The following RABGAP1L variants were observed in gnomAD, a reference collection of about 807,000 sequenced individuals.
RABGAP1L encodes the protein rab GTPase-activating protein 1-like.
Under a neutral mutation model 137.7 loss-of-function variants are expected in RABGAP1L, and 63 were observed. The observed-to-expected ratio is 0.46, with a 90% CI of 0.37 to 0.56. The LOEUF is 0.56. Ranked by LOEUF, RABGAP1L falls within the 20% of genes least tolerant of loss-of-function variation. RABGAP1L has a pLI of 0.00. For missense variants in RABGAP1L, 1,095 were observed against 1,244.0 expected, an observed-to-expected ratio of 0.88 and a Z score of 1.80; for synonymous variants, 431 against 433.7, an observed-to-expected ratio of 0.99 and a Z score of 0.08.
chr1:174,296,124 G>A (rs1677108494), intron 10 of RABGAP1L, among the ~76,000 whole-genome samples: 1 of 152,268 alleles, frequency 6.6e-6, no homozygotes, highest in Non-Finnish European at 1.5e-5. Flanking sequence ...GGCAAGAGAG[G>A]AAATAGTTTC....
chr1:174,613,256 G>C (rs1014327495), intron 13 of RABGAP1L, among the ~76,000 whole-genome samples: 4 of 151,956 alleles, frequency 2.6e-5, no homozygotes, highest in Non-Finnish European at 5.9e-5. Flanking sequence ...GGTATGTTGT[G>C]TCTTTGTTCT....
intron 1 of RABGAP1L, among the ~76,000 whole-genome samples, chr1:174,213,360 G>A (rs1251821149): frequency 6.6e-6 from 1 of 152,188 alleles, no homozygotes; most frequent in East Asian, 1.9e-4. Flanking sequence ...GGGAGGTGGA[G>A]GTTGCAGTGA....
At chr1:174,176,864 G>GAGTCAGA (rs1212919047) in intron 1 of RABGAP1L, among the ~76,000 whole-genome samples, 4 of 151,384 alleles carry the variant, frequency 2.6e-5, no homozygotes, top group African/African-American at 9.7e-5. Context: ...CAGATCATTT[G>GAGTCAGA]AGTCAGAAGT....
chr1:174,561,993 A>G (rs967162158), intron 13 of RABGAP1L, among the ~76,000 whole-genome samples: 3 of 152,228 alleles, frequency 2.0e-5, no homozygotes, highest in Non-Finnish European at 4.4e-5. Flanking sequence ...ACAAAAGCCA[A>G]AATTGACACA....
At chr1:174,189,693 A>C (rs61828571) in intron 1 of RABGAP1L, among the ~76,000 whole-genome samples, 1 of 152,142 alleles carries the variant, frequency 6.6e-6, no homozygotes, top group Non-Finnish European at 1.5e-5. Context: ...AAGGGGCTGG[A>C]TGCAGTAGCT....
intron 18 of RABGAP1L, among the ~76,000 whole-genome samples, chr1:174,773,380 A>G (rs1049706731): frequency 2.6e-5 from 4 of 152,162 alleles, no homozygotes; most frequent in African/African-American, 9.7e-5. Flanking sequence ...TAAACAAATA[A>G]ATAAATAAAA....
intron 11 of RABGAP1L, among the ~76,000 whole-genome samples, chr1:174,305,839 A>T (rs1352728135): frequency 6.6e-6 from 1 of 151,976 alleles, no homozygotes; most frequent in Admixed American, 6.6e-5. Flanking sequence ...ATATGTATAC[A>T]TGTGCCATGT....
chr1:174,707,544 A>G (rs1680148153), intron 17 of RABGAP1L, among the ~76,000 whole-genome samples: 5 of 152,216 alleles, frequency 3.3e-5, no homozygotes, highest in Admixed American at 3.3e-4. Flanking sequence ...AGCCTTGTTC[A>G]AGTTACTTGA....
intron 14 of RABGAP1L, among the ~76,000 whole-genome samples, chr1:174,649,216 G>T (rs1010144693): frequency 1.3e-5 from 2 of 152,042 alleles, no homozygotes; most frequent in African/African-American, 4.8e-5. Context: ...GGTTAATATT[G>T]TTACGTGTGA....
intron 1 of RABGAP1L, among the ~76,000 whole-genome samples, chr1:174,165,227 C>A (rs1664806423): frequency 6.6e-6 from 1 of 152,224 alleles, no homozygotes; most frequent in Non-Finnish European, 1.5e-5. Context: ...CGGCTCACTG[C>A]AACCTCTGCC....
intron 15 of RABGAP1L, among the ~76,000 whole-genome samples, chr1:174,698,947 G>A (rs185759773): frequency 3.9e-4 from 59 of 151,926 alleles, no homozygotes; most frequent in South Asian, 6.3e-4. Flanking sequence ...ATGATAGGGA[G>A]GAGCGAGACT....
intron 19 of RABGAP1L, among the ~76,000 whole-genome samples, chr1:174,911,971 T>TG (rs1486148588): frequency 6.6e-6 from 1 of 152,250 alleles, no homozygotes; most frequent in East Asian, 1.9e-4. Flanking sequence ...TCACATCTAT[T>TG]GCCCTGTTAA....
intron 13 of RABGAP1L, among the ~76,000 whole-genome samples, chr1:174,449,703 G>A (rs1655215272): frequency 6.6e-6 from 1 of 152,164 alleles, no homozygotes; most frequent in African/African-American, 2.4e-5. Context: ...TAATCCATAA[G>A]TGATCTCTTC....
At chr1:174,928,440 G>A (rs1663188077) in intron 19 of RABGAP1L, among the ~76,000 whole-genome samples, 1 of 151,690 alleles carries the variant, frequency 6.6e-6, no homozygotes, top group African/African-American at 2.4e-5. Flanking sequence ...CTAACACAGT[G>A]AAGGTATTCA....
chr1:174,434,151 A>ACACACACACACACACACACACACACC (rs1361968902), intron 13 of RABGAP1L, among the ~76,000 whole-genome samples: 67 of 147,606 alleles, frequency 4.5e-4, no homozygotes, highest in Admixed American at 6.7e-4. Context: ...ACACACACAC[A>ACACACACACACACACACACACACACC]CCCTGCCTGG....
chr1:174,862,813 T>G (rs1558161748), intron 19 of RABGAP1L, among the ~76,000 whole-genome samples: 1 of 152,164 alleles, frequency 6.6e-6, no homozygotes. Context: ...TTTAAATTTA[T>G]ATATTTGTGT....
intron 13 of RABGAP1L, among the ~76,000 whole-genome samples, chr1:174,559,172 A>G (rs1667058481): frequency 6.6e-6 from 1 of 152,234 alleles, no homozygotes; most frequent in South Asian, 2.1e-4. Flanking sequence ...CTCTGAAAGT[A>G]TCATTTTACT....
At chr1:174,478,753 A>G (rs1256990781) in intron 13 of RABGAP1L, among the ~76,000 whole-genome samples, 1 of 152,198 alleles carries the variant, frequency 6.6e-6, no homozygotes, top group African/African-American at 2.4e-5. Flanking sequence ...AGACCAATAC[A>G]ACTTACAAAC....
intron 10 of RABGAP1L, among the ~76,000 whole-genome samples, chr1:174,304,446 T>G (rs901699904): frequency 6.6e-6 from 1 of 151,878 alleles, no homozygotes; most frequent in Non-Finnish European, 1.5e-5. Flanking sequence ...ATTAGCAAAT[T>G]AAATCCATAT....
Sources: gnomAD v4.1 joint callset for allele counts (sites outside exome capture counted in the v4.1 genomes callset) on GRCh38, gnomAD v4.1.1 for gene constraint, MANE v1.5 for transcripts, NCBI Gene and HGNC (gene_info 2026-07-23, HGNC 2026-07-21) for gene names.